CPQ: variants seen among roughly 807,000 people sequenced by gnomAD.
CPQ encodes Ser-Met dipeptidase.
Under a neutral mutation model 45.7 loss-of-function variants are expected in CPQ, and 37 were observed. That is an observed-to-expected ratio of 0.81 (90% CI 0.62 to 1.07). The LOEUF is 1.07. CPQ is among the 50% of genes least tolerant of loss of function. The probability of loss-of-function intolerance (pLI) is 0.00; values close to 1 mark genes in which losing one functional copy is unlikely to be tolerated. For missense variants in CPQ, 537 were observed against 572.9 expected, an observed-to-expected ratio of 0.94 and a Z score of 0.64; for synonymous variants, 186 against 205.8, an observed-to-expected ratio of 0.90 and a Z score of 0.82.
At chr8:96,998,340 A>G (rs572009833) in intron 5 of CPQ, among the ~76,000 whole-genome samples, 2 of 152,076 alleles carry the variant, frequency 1.3e-5, no homozygotes, top group South Asian at 4.1e-4. Context: ...TCTAGAAAAA[A>G]ATCTAAATAA....
intron 1 of CPQ, among the ~76,000 whole-genome samples, chr8:96,736,088 T>C (rs1437945125): frequency 1.3e-5 from 2 of 152,158 alleles, no homozygotes; most frequent in African/African-American, 4.8e-5. Context: ...ATGGATGATA[T>C]GGGTTTGACA....
intron 6 of CPQ, among the ~76,000 whole-genome samples, chr8:97,045,691 C>A (rs1275704151): frequency 6.6e-6 from 1 of 152,162 alleles, no homozygotes. Context: ...CCCAAGTGAC[C>A]CAAAGATCAT....
At chr8:97,136,254 G>C (rs761059604) in intron 7 of CPQ, among the ~76,000 whole-genome samples, 2 of 152,184 alleles carry the variant, frequency 1.3e-5, no homozygotes, top group Non-Finnish European at 2.9e-5. Flanking sequence ...GGTCAAGGCA[G>C]TCATATAGAC....
At chr8:97,000,321 C>A in intron 5 of CPQ, among the ~76,000 whole-genome samples, 1 of 151,818 alleles carries the variant, frequency 6.6e-6, no homozygotes, top group Non-Finnish European at 1.5e-5. Context: ...GCCCTTGCCT[C>A]TTTCCAGAAT....
intron 5 of CPQ, among the ~76,000 whole-genome samples, chr8:96,968,644 C>T (rs1813610929): frequency 6.6e-6 from 1 of 152,182 alleles, no homozygotes; most frequent in Admixed American, 6.5e-5. Flanking sequence ...GATGATGTGT[C>T]ATGCAGCATG....
intron 5 of CPQ, among the ~76,000 whole-genome samples, chr8:97,020,392 ATGAAAT>A: frequency 6.6e-6 from 1 of 152,292 alleles, no homozygotes; most frequent in Middle Eastern, 3.4e-3. Context: ...GCATAACTAA[ATGAAAT>A]TGAAACAAGA....
chr8:97,142,589 C>T (rs1004780874), intron 7 of CPQ, among the ~76,000 whole-genome samples: 1 of 152,186 alleles, frequency 6.6e-6, no homozygotes, highest in Non-Finnish European at 1.5e-5. Flanking sequence ...GTTACTTATA[C>T]AAATAAAAGT....
intron 4 of CPQ, among the ~76,000 whole-genome samples, chr8:96,926,474 A>G (rs565562087): frequency 4.3e-4 from 66 of 152,242 alleles, no homozygotes; most frequent in Non-Finnish European, 6.0e-4. Context: ...GGGCTACCTC[A>G]TTGAAAAGCG....
At chr8:96,918,562 C>G (rs923813700) in intron 4 of CPQ, among the ~76,000 whole-genome samples, 18 of 152,170 alleles carry the variant, frequency 1.2e-4, no homozygotes, top group African/African-American at 4.1e-4. Context: ...TCTGTTTACT[C>G]AGGCTGCTTC....
intron 3 of CPQ, among the ~76,000 whole-genome samples, chr8:96,875,974 CA>C (rs1482967922): frequency 1.3e-5 from 2 of 151,756 alleles, no homozygotes; most frequent in Non-Finnish European, 2.9e-5. Context: ...TTTATTTTAA[CA>C]ATATGTTATA....
chr8:96,751,632 T>G (rs768068053), intron 1 of CPQ, among the ~76,000 whole-genome samples: 5 of 152,230 alleles, frequency 3.3e-5, no homozygotes, highest in Non-Finnish European at 7.3e-5. Context: ...GCAGAAGCTC[T>G]TTAGTTTAAT....
chr8:96,939,164 T>C (rs1173732326), intron 4 of CPQ, among the ~76,000 whole-genome samples: 1 of 152,224 alleles, frequency 6.6e-6, no homozygotes, highest in Non-Finnish European at 1.5e-5. Context: ...AGATCACTAA[T>C]ACCATCGACC....
chr8:97,025,382 C>A (rs1809780336), intron 5 of CPQ, among the ~76,000 whole-genome samples: 1 of 152,160 alleles, frequency 6.6e-6, no homozygotes, highest in Non-Finnish European at 1.5e-5. Context: ...ACCATGTTGG[C>A]TATAAACTGT....
intron 1 of CPQ, among the ~76,000 whole-genome samples, chr8:96,700,467 C>T (rs149495318): frequency 2.0e-5 from 3 of 152,170 alleles, no homozygotes; most frequent in South Asian, 4.1e-4. Flanking sequence ...GTGACTGAGA[C>T]ACAAAATGGA....
chr8:96,910,924 T>G (rs1323479660), intron 4 of CPQ, among the ~76,000 whole-genome samples: 6 of 152,016 alleles, frequency 3.9e-5, no homozygotes, highest in Admixed American at 1.3e-4. Context: ...TTTAAGACTT[T>G]CCATATATGG....
intron 1 of CPQ, among the ~76,000 whole-genome samples, chr8:96,778,975 G>T (rs1810650526): frequency 6.7e-6 from 1 of 149,334 alleles, no homozygotes. Context: ...ATAGGCAGGA[G>T]AATTGCTTGA....
In CPQ at chr8:96,996,390, C is replaced by G. The variant is rs191624224; in HGVS notation, c.961+30344C>G. Among the ~76,000 whole-genome samples, 460 of 151,954 alleles carry G rather than the reference C, an allele frequency of 3.0e-3. 1 individual carries two copies. The highest frequency in any genetic ancestry group is 9.5e-3 in the African/African-American group (395 of 41,460). On this transcript the variant is annotated intron_variant, in intron 5 of 7. Transcript: ENST00000220763. ...TAGAGTTGCACAAAGGATTTGCAGA[C>G]CAGGAAAGGTTTAGATAACATGACC...
intron 1 of CPQ, among the ~76,000 whole-genome samples, chr8:96,658,830 C>T (rs1022416118): frequency 6.6e-6 from 1 of 152,204 alleles, no homozygotes; most frequent in African/African-American, 2.4e-5. Context: ...CCACTAGAAA[C>T]TGAGGAAAGC....
chr8:96,816,794 G>A (rs1157099447), intron 2 of CPQ, among the ~76,000 whole-genome samples: 1 of 152,104 alleles, frequency 6.6e-6, no homozygotes, highest in African/African-American at 2.4e-5. Context: ...CCAATTAGCA[G>A]TAATATTTTG....
Sources: gnomAD v4.1 joint callset for allele counts (sites outside exome capture counted in the v4.1 genomes callset) on GRCh38, gnomAD v4.1.1 for gene constraint, MANE v1.5 for transcripts, NCBI Gene and HGNC (gene_info 2026-07-23, HGNC 2026-07-21) for gene names.